EDAR: variants seen among roughly 807,000 people sequenced by gnomAD.
The protein encoded by EDAR is tumor necrosis factor receptor superfamily member EDAR.
A neutral mutation model predicts 51.3 loss-of-function variants in EDAR; 38 were observed. The ratio of observed to expected loss-of-function variants is 0.74; its 90% confidence interval spans 0.57 to 0.97. EDAR has a LOEUF of 0.97. EDAR is among the 50% of genes least tolerant of loss of function. EDAR has a pLI of 0.00. For missense variants in EDAR, 528 were observed against 595.0 expected (o/e 0.89, Z 1.17); for synonymous variants, 227 against 242.1 (o/e 0.94, Z 0.58).
intron 11 of EDAR, among the ~76,000 whole-genome samples, chr2:108,904,273 C>T (rs78148091): frequency 0.029 from 4,358 of 152,232 alleles, 194 homozygotes; most frequent in African/African-American, 0.1. Context: ...TCATAACACA[C>T]TTCTCAGAAT....
intron 5 of EDAR, among the ~76,000 whole-genome samples, chr2:108,916,812 C>A (rs1327077315): frequency 6.6e-6 from 1 of 152,156 alleles, no homozygotes; most frequent in African/African-American, 2.4e-5. Flanking sequence ...TCAGCCAGAC[C>A]CCACAAGCCC....
intron 1 of EDAR, among the ~76,000 whole-genome samples, chr2:108,937,390 G>C (rs935843884): frequency 6.6e-6 from 1 of 152,162 alleles, no homozygotes; most frequent in Non-Finnish European, 1.5e-5. Flanking sequence ...GCATACACGT[G>C]AGTGTATGTG....
chr2:108,939,609 C>T (rs1212602037), intron 1 of EDAR, among the ~76,000 whole-genome samples: 2 of 151,986 alleles, frequency 1.3e-5, no homozygotes, highest in Non-Finnish European at 2.9e-5. Context: ...GAACATGTCC[C>T]GTTAGGAAGT....
intron 1 of EDAR, among the ~76,000 whole-genome samples, chr2:108,952,520 T>C (rs1444015935): frequency 1.3e-5 from 2 of 152,226 alleles, no homozygotes; most frequent in African/African-American, 4.8e-5. Context: ...TTCTGGTGAA[T>C]TTTTCATTTC....
At position 108,968,758 on chromosome 2, in the gene EDAR, T is replaced by C. The variant is rs1298070603; in HGVS notation, c.-19+20202A>G. 2.0e-5 allele frequency among the ~76,000 whole-genome samples: 3 copies of C among 152,112 alleles called. No homozygotes were observed. In the East Asian group the frequency reaches 5.8e-4, roughly 29 times the overall value. ...CAAAAAGCCATCGAACACTAGGAAA[T>C]AAGGTCATGTGGAAGGAAACTAGCT... On this transcript the variant is annotated intron_variant, in intron 1 of 11. Transcript: ENST00000258443.
chr2:108,944,288 AT>A (rs1697670412), intron 1 of EDAR, among the ~76,000 whole-genome samples: 1 of 152,028 alleles, frequency 6.6e-6, no homozygotes, highest in South Asian at 2.1e-4. Flanking sequence ...AAATTTTTGT[AT>A]TTTTAGTAGA....
chr2:108,911,329 T>C (rs1696925911), intron 6 of EDAR, among the ~76,000 whole-genome samples: 1 of 152,152 alleles, frequency 6.6e-6, no homozygotes, highest in Non-Finnish European at 1.5e-5. Flanking sequence ...TGATTGTTCC[T>C]AGGGAGTTTG....
chr2:108,915,102 G>A (rs1697003390), intron 5 of EDAR, among the ~76,000 whole-genome samples: 2 of 151,984 alleles, frequency 1.3e-5, no homozygotes. Flanking sequence ...AGAGAAAAAT[G>A]CACGTTGGCC....
chr2:108,975,132 G>A (rs1051612988), intron 1 of EDAR, among the ~76,000 whole-genome samples: 1 of 152,226 alleles, frequency 6.6e-6, no homozygotes, highest in South Asian at 2.1e-4. Flanking sequence ...GTCTGAGGGT[G>A]CTGGGCAGGG....
At chr2:108,905,344 G>A (rs1280330287) in intron 11 of EDAR, among the ~76,000 whole-genome samples, 4 of 152,196 alleles carry the variant, frequency 2.6e-5, no homozygotes, top group African/African-American at 2.4e-5. Flanking sequence ...ACAGCCCCAG[G>A]CCATGCCAGG....
chr2:108,906,721 A>G (rs1290707758), intron 10 of EDAR, among the ~76,000 whole-genome samples: 7 of 152,216 alleles, frequency 4.6e-5, no homozygotes, highest in Admixed American at 2.0e-4. Context: ...CGGGGCTCCC[A>G]TCCCGGATCA....
intron 4 of EDAR, among the ~76,000 whole-genome samples, chr2:108,924,577 G>T (rs774729321): frequency 3.3e-5 from 5 of 152,182 alleles, no homozygotes; most frequent in African/African-American, 4.8e-5. Flanking sequence ...CCCCATGGAG[G>T]CCCCTGCTGA....
intron 5 of EDAR, among the ~76,000 whole-genome samples, chr2:108,916,314 G>A (rs552612605): frequency 8.5e-5 from 13 of 152,234 alleles, no homozygotes; most frequent in African/African-American, 2.4e-4. Flanking sequence ...CCTTCCTGTC[G>A]GGGCTCGCAG....
intron 4 of EDAR, among the ~76,000 whole-genome samples, chr2:108,927,931 C>A (rs1204762351): frequency 2.0e-5 from 3 of 152,184 alleles, no homozygotes; most frequent in African/African-American, 7.2e-5. Flanking sequence ...GTGCCATCTG[C>A]ACCCCTGGTC....
chr2:108,973,513 T>C (rs1331402853), intron 1 of EDAR, among the ~76,000 whole-genome samples: 1 of 152,194 alleles, frequency 6.6e-6, no homozygotes, highest in Non-Finnish European at 1.5e-5. Context: ...GCCTGAACCC[T>C]GGCAGAATCT....
intron 11 of EDAR, among the ~76,000 whole-genome samples, chr2:108,902,702 C>A (rs1049942962): frequency 3.9e-5 from 6 of 152,026 alleles, no homozygotes; most frequent in African/African-American, 1.4e-4. Flanking sequence ...TGGCTTATTC[C>A]AGGGAGGCAA....
At chr2:108,902,807 G>C (rs1199186873) in intron 11 of EDAR, among the ~76,000 whole-genome samples, 3 of 152,148 alleles carry the variant, frequency 2.0e-5, no homozygotes. Flanking sequence ...ACTTAATGGT[G>C]AAAAATGGAA....
chr2:108,913,124 T>C lies in EDAR; in HGVS notation c.443-360A>G, dbSNP rs1177031946. On this transcript the variant is annotated intron_variant, in intron 5 of 11. Coordinates refer to ENST00000258443, the MANE Select transcript of EDAR (RefSeq NM_022336.4). ...CCACCACACCTGGCTAATTTTTTTGTATTTTTAGTAGAGACGGGGTTTCAC... is the reference window on the plus strand; with the variant it reads ...CCACCACACCTGGCTAATTTTTTTGCATTTTTAGTAGAGACGGGGTTTCAC... Among the ~76,000 whole-genome samples the C allele has an allele frequency of 2.6e-5, 4 of 151,952 alleles. No homozygotes were observed. The East Asian group carries it at 5.8e-4, about 22-fold the overall frequency.
At chr2:108,931,771 T>A (rs1697371202) in intron 1 of EDAR, among the ~76,000 whole-genome samples, 1 of 152,156 alleles carries the variant, frequency 6.6e-6, no homozygotes, top group South Asian at 2.1e-4. Flanking sequence ...TGGAGACCTG[T>A]GTTTCTGACT....
Sources: gnomAD v4.1 joint callset for allele counts (sites outside exome capture counted in the v4.1 genomes callset) on GRCh38, gnomAD v4.1.1 for gene constraint, MANE v1.5 for transcripts, NCBI Gene and HGNC (gene_info 2026-07-23, HGNC 2026-07-21) for gene names.